Variants in ZNF417 observed in about 807,000 individuals in gnomAD.
ZNF417 encodes the protein zinc finger protein 417.
A neutral mutation model predicts 7.4 loss-of-function variants in ZNF417; 5 were observed. The observed-to-expected ratio is 0.68, with a 90% CI of 0.35 to 1.43. The LOEUF (loss-of-function observed/expected upper bound fraction) is 1.43. Among genes scored for constraint, ZNF417 ranks in the 40% most tolerant of loss-of-function variants. The pLI, the probability that ZNF417 is intolerant of heterozygous loss-of-function variation, is 0.04. For synonymous variants in ZNF417, 147 were observed against 239.1 expected (o/e 0.61, Z 3.55); for missense variants, 437 against 697.3 (o/e 0.63, Z 4.20).
At chr19:57,914,991 C>T (rs928950220) in intron 1 of ZNF417, among the ~76,000 whole-genome samples, 7 of 152,132 alleles carry the variant, frequency 4.6e-5, no homozygotes, top group African/African-American at 7.2e-5. Context: ...CCTCCACTTC[C>T]CTGTGTGGGT....
At chr19:57,910,419 G>A (rs1474808562) in intron 2 of ZNF417, among the ~76,000 whole-genome samples, 4 of 152,022 alleles carry the variant, frequency 2.6e-5, no homozygotes, top group Non-Finnish European at 5.9e-5. Flanking sequence ...GGTGGTGAGC[G>A]CCTGTAATCC....
intron 1 of ZNF417, among the ~76,000 whole-genome samples, chr19:57,914,483 CAAAAAAAAAAAA>C (rs528220711): frequency 3.5e-5 from 2 of 57,610 alleles, no homozygotes; most frequent in African/African-American, 1.1e-4. Flanking sequence ...CGAAACTCCA[CAAAAAAAAAAAA>C]AAAAAAAAAA....
At chr19:57,914,483 C>CAAAAAA (rs528220711) in intron 1 of ZNF417, among the ~76,000 whole-genome samples, 7 of 57,604 alleles carry the variant, frequency 1.2e-4, no homozygotes, top group African/African-American at 2.2e-4. Context: ...CGAAACTCCA[C>CAAAAAA]AAAAAAAAAA....
intron 1 of ZNF417, among the ~76,000 whole-genome samples, chr19:57,913,403 T>G (rs2071917115): frequency 6.6e-6 from 1 of 152,212 alleles, no homozygotes. Context: ...ACTTTTGTGC[T>G]GCACCAGCTG....
intron 2 of ZNF417, among the ~76,000 whole-genome samples, chr19:57,910,432 G>A (rs561865064): frequency 1.3e-5 from 2 of 152,176 alleles, no homozygotes; most frequent in East Asian, 3.9e-4. Flanking sequence ...TGTAATCCCA[G>A]CCACTCGGGA....
rs1432643610 is a variant in ZNF417 at position 57,905,828 on chromosome 19, T to A, written c.*2722A>T. 6.6e-6 allele frequency among the ~76,000 whole-genome samples: 1 copy of A among 152,186 alleles called. No homozygotes were observed. The highest frequency in any genetic ancestry group is 2.1e-4 in the South Asian group (1 of 4,832). On this transcript the variant is annotated 3_prime_UTR_variant, in exon 3 of 3. Coordinates refer to ENST00000312026, the MANE Select transcript of ZNF417 (RefSeq NM_152475.3). ...TTTTGTACAAAAAAATTTCAACATA[T>A]AAGTTGCATACAAGCAGGAAGATTT...
intron 2 of ZNF417, among the ~76,000 whole-genome samples, chr19:57,911,677 T>C (rs2071900402): frequency 6.6e-6 from 1 of 152,010 alleles, no homozygotes; most frequent in Non-Finnish European, 1.5e-5. Flanking sequence ...ATGGTCTATG[T>C]AGGTAGTGAC....
intron 1 of ZNF417, among the ~76,000 whole-genome samples, chr19:57,916,102 A>C (rs922475509): frequency 1.3e-5 from 2 of 152,274 alleles, no homozygotes; most frequent in African/African-American, 4.8e-5. Context: ...TCCTGTCTCC[A>C]GAACAGCCTG....
chr19:57,915,388 T>A lies in ZNF417; in HGVS notation c.33+991A>T, dbSNP rs376952923. The A allele has an allele frequency of 1.3e-4, 41 of 310,820 alleles. 1 individual carries two copies. The Middle Eastern group carries it at 2.4e-3, about 19-fold the overall frequency. 19.3% of individuals were successfully genotyped at this position (310,820 alleles called of 1,614,324 possible). A position where few individuals can be genotyped will look rare whatever the true frequency, so the allele number is the denominator to read the frequency against. ...TTACTCTTCCAGGGAGAGCTCCACC[T>A]CACACTTTGTTCCAGACAGGTTCCA... On this transcript the variant is annotated intron_variant, in intron 1 of 2. Coordinates refer to ENST00000312026, the MANE Select transcript of ZNF417 (RefSeq NM_152475.3).
rs1243104158 is a variant in ZNF417, at chr19:57,905,939, C to T, written c.*2611G>A. 6.6e-6 allele frequency among the ~76,000 whole-genome samples: 1 copy of T among 151,980 alleles called. No individual in the cohort carries two copies. Among genetic ancestry groups the T allele is most frequent in the Non-Finnish European group, 1.5e-5 (1 of 68,006 alleles). ...AAATTGCTTAGTACTGAAAGTTTTG[C>T]CTATATAAACTGTAGTTTATGAAGA... is the stretch of plus-strand genomic sequence containing the variant. On this transcript the variant is annotated 3_prime_UTR_variant, in exon 3 of 3. Transcript: ENST00000312026.
At chr19:57,914,793 A>G (rs957589056) in intron 1 of ZNF417, among the ~76,000 whole-genome samples, 1 of 152,198 alleles carries the variant, frequency 6.6e-6, no homozygotes, top group African/African-American at 2.4e-5. Context: ...ATCTTACAAG[A>G]GTGTTTACAC....
In ZNF417 at chr19:57,913,479, G is replaced by A. The variant is rs7251948; in HGVS notation, c.34-1290C>T. On this transcript the variant is annotated intron_variant, in intron 1 of 2. Transcript: ENST00000312026. ...TGTTTAAAGCCCAGCCCCTGGATTT[G>A]TGAACCAAACCACATCTACTATCAC... Among the ~76,000 whole-genome samples the A allele has an allele frequency of 8.2e-3, 1,252 of 152,230 alleles. 11 individuals are homozygous for A. Among genetic ancestry groups the A allele is most frequent in the African/African-American group, 0.029 (1,220 of 41,538 alleles).
Position 57,912,043 on chromosome 19 carries a change from G to A in ZNF417, c.163+17C>T, listed in dbSNP as rs369314290. ...TAACACTAGCTCAGGTCACAAAGGT[G>A]AGCGTGAGCAACTTACCCAGCGAGG... On this transcript the variant is annotated intron_variant, in intron 2 of 2. Transcript: ENST00000312026. 6 of 1,552,780 alleles carry A rather than the reference G, an allele frequency of 3.9e-6. No individual in the cohort carries two copies. The highest frequency in any genetic ancestry group is 4.5e-5 in the East Asian group (2 of 44,234).
At chr19:57,916,105 A>G (rs1278029231) in intron 1 of ZNF417, among the ~76,000 whole-genome samples, 1 of 152,290 alleles carries the variant, frequency 6.6e-6, no homozygotes, top group Non-Finnish European at 1.5e-5. Flanking sequence ...TGTCTCCAGA[A>G]CAGCCTGACG....
chr19:57,912,033 T>A (rs781010082), intron 2 of ZNF417, 27 bp downstream of exon 2: 1 of 1,548,038 alleles, frequency 6.5e-7, no homozygotes, highest in Non-Finnish European at 8.7e-7. Flanking sequence ...CTAGCTCAGG[T>A]CACAAAGGTG....
Position 57,916,486 on chromosome 19 carries a change from A to G in ZNF417, c.-75T>C. ...GCTGCAGAGCCGCCTCTGGGCACCG[A>G]GGACGATTCCTCTCCACCTTCTAGG... On this transcript the variant is annotated 5_prime_UTR_variant, in exon 1 of 3. Transcript: ENST00000312026. 4 of 1,611,452 alleles carry G rather than the reference A, an allele frequency of 2.5e-6. No individual in the cohort carries two copies. The highest frequency in any genetic ancestry group is 3.4e-6 in the Non-Finnish European group (4 of 1,179,024).
In ZNF417 at chr19:57,908,544, C is replaced by T. The variant is rs377561890; in HGVS notation, c.*6G>A. On this transcript the variant is annotated 3_prime_UTR_variant, in exon 3 of 3. Coordinates refer to ENST00000312026, the MANE Select transcript of ZNF417 (RefSeq NM_152475.3). ...TTCAGCAAACGATTTCCCATATTCA[C>T]TGCACTCATAAGGCCTTTCTCCTGT... 1.9e-6 allele frequency: 3 copies of T among 1,614,164 alleles called. No individual in the cohort carries two copies. The highest frequency in any genetic ancestry group is 2.2e-5 in the East Asian group (1 of 44,880).
At chr19:57,913,854 A>T (rs1275220808) in intron 1 of ZNF417, among the ~76,000 whole-genome samples, 1 of 152,120 alleles carries the variant, frequency 6.6e-6, no homozygotes, top group Non-Finnish European at 1.5e-5. Flanking sequence ...CTGGCCCCTG[A>T]AAAGATTTAC....
In ZNF417 at chr19:57,909,306, A is replaced by T. The variant is rs1418442869; in HGVS notation, c.972T>A (p.Tyr324Ter). The T allele has an allele frequency of 6.2e-7, 1 of 1,613,882 alleles. No homozygotes were observed. Among genetic ancestry groups the T allele is most frequent in the Middle Eastern group, 1.7e-4 (1 of 6,060 alleles). ...AAGATTTCCCATATTCTCTACACTC[A>T]TAAGGCCTTTCTCCAGTGTGAACAC... ...HQRVHTGERP[Y>*]ECREYGKSFG... The change falls in exon 3 of 3, where the codon TAT becomes TAA. Residue 324 changes from tyrosine to a stop codon, truncating the protein, a stop_gained. Transcript: ENST00000312026. LOFTEE classifies it low-confidence loss of function (END_TRUNC).
Sources: gnomAD v4.1 joint callset for allele counts (sites outside exome capture counted in the v4.1 genomes callset) on GRCh38, gnomAD v4.1.1 for gene constraint, MANE v1.5 for transcripts, NCBI Gene and HGNC (gene_info 2026-07-23, HGNC 2026-07-21) for gene names.